Variants in IRF3 observed in about 807,000 individuals in gnomAD.
IRF3 encodes the protein interferon regulatory factor 3.
In IRF3, 29 loss-of-function variants were observed where a neutral mutation model predicts 43.2. The ratio of observed to expected loss-of-function variants is 0.67; its 90% CI spans 0.50 to 0.91. The LOEUF (loss-of-function observed/expected upper bound fraction) is 0.91, where lower values mean the gene tolerates loss of function less well. Ranked by LOEUF, IRF3 falls within the 40% of genes least tolerant of loss-of-function variation. IRF3 has a pLI of 0.00. For synonymous variants in IRF3, 228 were observed against 233.9 expected, an observed-to-expected ratio of 0.97 and a Z score of 0.23; for missense variants, 505 against 559.1, an observed-to-expected ratio of 0.90 and a Z score of 0.98.
At chr19:49,661,896 C>T in intron 6 of IRF3, 52 bp downstream of exon 6, 1 of 1,543,354 alleles carries the variant, frequency 6.5e-7, no homozygotes, top group South Asian at 1.2e-5. Flanking sequence ...AGTTGTTAAC[C>T]ACTGTGCAGG....
chr19:49,661,755 A>C lies in IRF3; in HGVS notation c.982+193T>G, dbSNP rs544917945. On this transcript the variant is annotated intron_variant, in intron 6 of 7. Transcript: ENST00000377139. ...CCACCACGCCCGACTATTTTTTTGT[A>C]TCTTTAGTAGAGATGGGGTTTCACT... The C allele has an allele frequency of 6.1e-4, 379 of 624,490 alleles. 3 individuals carry two copies. The South Asian group carries it at 7.5e-3, about 12-fold the overall frequency. 38.7% of individuals were successfully genotyped at this position (624,490 alleles called of 1,614,324 possible). A position where few individuals can be genotyped will look rare whatever the true frequency, so the allele number is the denominator to read the frequency against.
chr19:49,662,502 C>G lies in IRF3; in HGVS notation c.524G>C (p.Ser175Thr). The change falls in exon 5 of 8, where the codon AGC becomes ACC. Residue 175 changes from serine (S) to threonine (T), a missense_variant. Ser to Thr is a moderately conservative substitution (Grantham distance 58). Coordinates refer to ENST00000377139, the MANE Select transcript of IRF3 (RefSeq NM_001571.6). ...EPCPQPLRSP[S>T]LDNPTPFPNL... ...TGGGAAGGGAGTGGGATTGTCCAAG[C>G]TGGGGCTCCGCAGGGGCTGAGGGCA... 1 of 1,567,654 alleles carries G rather than the reference C, an allele frequency of 6.4e-7. No homozygotes were observed. Among genetic ancestry groups the G allele is most frequent in the Non-Finnish European group, 8.6e-7 (1 of 1,159,380 alleles).
chr19:49,664,031 T>C (rs2081497490), intron 2 of IRF3, among the ~76,000 whole-genome samples: 1 of 152,132 alleles, frequency 6.6e-6, no homozygotes, highest in African/African-American at 2.4e-5. Context: ...TGGTTTTTGT[T>C]TTGTTTCGCT....
In IRF3 at chr19:49,660,027, A is replaced by ACACACACACAC. The variant is rs57168131; in HGVS notation, c.1099-195_1099-194insGTGTGTGTGTG. Among the ~76,000 whole-genome samples, 16 of 74,750 alleles carry ACACACACACAC rather than the reference A, an allele frequency of 2.1e-4. 1 individual carries two copies. Among genetic ancestry groups the ACACACACACAC allele is most frequent in the African/African-American group, 1.2e-3 (12 of 10,158 alleles). The allele number at this position is 74,750 out of a possible 152,430, so 49.0% of individuals were successfully genotyped here. On this transcript the variant is annotated intron_variant, in intron 7 of 7. Coordinates refer to ENST00000377139, the MANE Select transcript of IRF3 (RefSeq NM_001571.6). ...CACACACACACACACACACACACAC[A>ACACACACACAC]CCCCCTGCTGTAACTGAACCATAGG... is the stretch of plus-strand genomic sequence containing the variant.
chr19:49,660,093 AACACACAC>A (rs140415851), intron 7 of IRF3, among the ~76,000 whole-genome samples: 1 of 130,592 alleles, frequency 7.7e-6, no homozygotes, highest in South Asian at 2.3e-4. Flanking sequence ...CACACACACA[AACACACAC>A]ACACACACAC....
chr19:49,664,023 G>GTT (rs1186608394), intron 2 of IRF3, among the ~76,000 whole-genome samples: 1 of 152,106 alleles, frequency 6.6e-6, no homozygotes, highest in Non-Finnish European at 1.5e-5. Context: ...AACCTCTTTG[G>GTT]TTTTTGTTTT....
In IRF3 at chr19:49,665,747, G is replaced by T; in HGVS notation, c.-125C>A. On this transcript the variant is annotated 5_prime_UTR_variant, in exon 1 of 8. Coordinates refer to ENST00000377139, the MANE Select transcript of IRF3 (RefSeq NM_001571.6). ...TTTCCCGTCAGCTGAGCTCTAGAGC[G>T]CTGGGGCTTTCTTTTTGATCGACTT... 6.6e-7 allele frequency: 1 copy of T among 1,522,458 alleles called. No individual in the cohort carries two copies. The highest frequency in any genetic ancestry group is 1.3e-5 in the South Asian group (1 of 79,106). The allele number at this position is 1,522,458 out of a possible 1,614,324, so 94.3% of individuals were successfully genotyped here. A position where few individuals can be genotyped will look rare whatever the true frequency, so the allele number is the denominator to read the frequency against.
rs567569942 is a variant in IRF3 at position 49,665,829 on chromosome 19, A to G, written c.-207T>C. The stretch of plus-strand genomic sequence containing the variant: ...GGTAACAGACCCAAAAGCCGATGGG[A>G]CGGCCCGCTGGGCTGTTCCCGCCCC... On this transcript the variant is annotated 5_prime_UTR_variant, in exon 1 of 8. Coordinates refer to ENST00000377139, the MANE Select transcript of IRF3 (RefSeq NM_001571.6). 9.4e-6 allele frequency: 15 copies of G among 1,590,572 alleles called. No homozygotes were observed. The African/African-American group carries it at 1.1e-4, about 11-fold the overall frequency.
chr19:49,659,984 T>TACACACACACACATACAC lies in IRF3; in HGVS notation c.1099-152_1099-151insGTGTATGTGTGTGTGTGT, dbSNP rs1421545567. On this transcript the variant is annotated intron_variant, in intron 7 of 7. Transcript: ENST00000377139. Reference sequence around the variant, plus strand: ...CTAGGGCTGCTGGGAGTTGTAGTTTTACACACACACACACACACACACACA... The same window carrying TACACACACACACATACAC: ...CTAGGGCTGCTGGGAGTTGTAGTTTTACACACACACACATACACACACACACACACACACACACACACA... 6 of 323,960 alleles carry TACACACACACACATACAC rather than the reference T, an allele frequency of 1.9e-5. No homozygotes were observed. The African/African-American group carries it at 2.0e-4, about 11-fold the overall frequency. 20.1% of individuals were successfully genotyped at this position (323,960 alleles called of 1,614,324 possible).
At position 49,659,841 on chromosome 19, in the gene IRF3, G is replaced by A. The variant is rs751947457; in HGVS notation, c.1099-8C>T. The A allele has an allele frequency of 2.0e-5, 31 of 1,571,294 alleles. No homozygotes were observed. The highest frequency in any genetic ancestry group is 2.4e-5 in the Non-Finnish European group (28 of 1,154,914). On this transcript the variant is annotated splice_region_variant and splice_polypyrimidine_tract_variant and intron_variant, in intron 7 of 7. Transcript: ENST00000377139. ...GAGGCACGTGGGCACAACCTGCAGG[G>A]GAAGTGGGGACAGGAGTCAGGGAAA...
chr19:49,661,999 C>T lies in IRF3; in HGVS notation c.931G>A (p.Val311Ile), dbSNP rs772523709. The change falls in exon 6 of 8, where the codon GTC becomes ATC. Residue 311 changes from valine (V) to isoleucine (I), a missense_variant. Physicochemically the swap from Val to Ile is conservative, Grantham distance 29. Coordinates refer to ENST00000377139, the MANE Select transcript of IRF3 (RefSeq NM_001571.6). The stretch of plus-strand genomic sequence containing the variant: ...ACGCCTCCTTCCTTGTCCTTGGGGA[C>T]CTCGCCATCAGGCCCATGCCCGCTG... ...PNSGHGPDGE[V>I]PKDKEGGVFD... 1.9e-6 allele frequency: 3 copies of T among 1,613,732 alleles called. No individual in the cohort carries two copies. The African/African-American group carries it at 4.0e-5, about 22-fold the overall frequency.
intron 2 of IRF3, among the ~76,000 whole-genome samples, chr19:49,664,138 T>C (rs771558415): frequency 2.6e-5 from 4 of 152,162 alleles, no homozygotes; most frequent in Admixed American, 6.5e-5. Flanking sequence ...AGTGCTAGGA[T>C]TACAGGTGTG....
Position 49,662,069 on chromosome 19 carries a change from C to T in IRF3, c.861G>A (p.Gly287=), listed in dbSNP as rs1252142064. 1 of 1,613,852 alleles carries T rather than the reference C, an allele frequency of 6.2e-7. No individual in the cohort carries two copies. Among genetic ancestry groups the T allele is most frequent in the South Asian group, 1.1e-5 (1 of 91,080 alleles). The change falls in exon 6 of 8, where the codon GGG becomes GGA. Residue 287 remains glycine (G), a synonymous_variant. Coordinates refer to ENST00000377139, the MANE Select transcript of IRF3 (RefSeq NM_001571.6). ...TCACTGCCCAGTATGTGTGGCAGTG[C>T]CCCAGCCGCTGGGCCCAGAGCCACT... ...AGQWLWAQRL[G]HCHTYWAVSE...
At chr19:49,664,238 C>G (rs2081515769) in intron 2 of IRF3, among the ~76,000 whole-genome samples, 1 of 152,146 alleles carries the variant, frequency 6.6e-6, no homozygotes, top group African/African-American at 2.4e-5. Context: ...ACCTGCCCCG[C>G]GACACCCTCT....
At chr19:49,664,219 C>T (rs1369520951) in intron 2 of IRF3, among the ~76,000 whole-genome samples, 1 of 152,122 alleles carries the variant, frequency 6.6e-6, no homozygotes, top group Non-Finnish European at 1.5e-5. Flanking sequence ...GTGTCTAATC[C>T]CGTGCACCAC....
Position 49,664,755 on chromosome 19 carries a change from G to A in IRF3, c.84C>T (p.Asn28=). 1 of 1,614,032 alleles carries A rather than the reference G, an allele frequency of 6.2e-7. No homozygotes were observed. Among genetic ancestry groups the A allele is most frequent in the East Asian group, 2.2e-5 (1 of 44,880 alleles). Residue 28 remains asparagine (N), a synonymous_variant, in exon 2 of 8, where the codon AAC becomes AAT. Transcript: ENST00000377139. Reference sequence around the variant, plus strand: ...GGATGCGGAAGCGCGTGCGGCTCTTGTTCACCCAGGCCACGCCCTCCAGTT... The same window carrying A: ...GGATGCGGAAGCGCGTGCGGCTCTTATTCACCCAGGCCACGCCCTCCAGTT... The part of the protein sequence containing the change: ...LGQLEGVAWV[N]KSRTRFRIPW...
chr19:49,661,871 GC>G lies in IRF3; in HGVS notation c.982+76del, dbSNP rs2081346412. ...TGGGACTACAGGCGTGAGCCACCGTGCCCGGCCAATCCTGAGTTGTTAACCA... is the reference window on the plus strand; with the variant it reads ...TGGGACTACAGGCGTGAGCCACCGTGCCGGCCAATCCTGAGTTGTTAACCA... On this transcript the variant is annotated intron_variant, in intron 6 of 7. Transcript: ENST00000377139. 2.6e-6 allele frequency: 4 copies of G among 1,510,486 alleles called. No homozygotes were observed. In the Admixed American group the frequency reaches 8.2e-5, roughly 31 times the overall value. 93.6% of individuals were successfully genotyped at this position (1,510,486 alleles called of 1,614,324 possible). A position where few individuals can be genotyped will look rare whatever the true frequency, so the allele number is the denominator to read the frequency against.
In IRF3 at chr19:49,662,266, A is replaced by T; in HGVS notation, c.664T>A (p.Cys222Ser). Reference sequence around the variant, plus strand: ...CCCACCAGCCGCAGGCCCTCCGGGCAGGAGATGGTCTGCTGGAAGACTTGG... The same window carrying T: ...CCCACCAGCCGCAGGCCCTCCGGGCTGGAGATGGTCTGCTGGAAGACTTGG... Reference protein sequence around the residue: ...GRQVFQQTISCPEGLRLVGSE... With the variant: ...GRQVFQQTISSPEGLRLVGSE... The change falls in exon 6 of 8, where the codon TGC (cysteine) becomes AGC (serine). Residue 222 changes from cysteine to serine, a missense_variant. Physicochemically the swap from Cys to Ser is moderately radical, Grantham distance 112. Coordinates refer to ENST00000377139, the MANE Select transcript of IRF3 (RefSeq NM_001571.6). 6.2e-7 allele frequency: 1 copy of T among 1,613,952 alleles called. No homozygotes were observed. The highest frequency in any genetic ancestry group is 8.5e-7 in the Non-Finnish European group (1 of 1,180,042).
chr19:49,665,653 G>T lies in IRF3; in HGVS notation c.-31C>A. ...TACCTACGATGGAAGGTCGGGGCGT[G>T]CGGGCAGCTGGAACCCACCCCTGTC... On this transcript the variant is annotated 5_prime_UTR_variant, in exon 1 of 8. Transcript: ENST00000377139. The T allele has an allele frequency of 1.2e-6, 1 of 823,078 alleles. No homozygotes were observed. Among genetic ancestry groups the T allele is most frequent in the Non-Finnish European group, 1.9e-6 (1 of 538,536 alleles). The allele number at this position is 823,078 out of a possible 1,614,324, so 51.0% of individuals were successfully genotyped here. A position where few individuals can be genotyped will look rare whatever the true frequency, so the allele number is the denominator to read the frequency against.
Sources: gnomAD v4.1 joint callset for allele counts (sites outside exome capture counted in the v4.1 genomes callset) on GRCh38, gnomAD v4.1.1 for gene constraint, MANE v1.5 for transcripts, NCBI Gene and HGNC (gene_info 2026-07-23, HGNC 2026-07-21) for gene names.